The following ASB5 variants were observed in gnomAD, a reference collection of about 807,000 sequenced individuals.
The protein encoded by ASB5 is ankyrin repeat and SOCS box containing 5.
A neutral mutation model predicts 42.1 loss-of-function variants in ASB5; 45 were observed. That is an observed-to-expected ratio of 1.07 (90% CI 0.84 to 1.37). The LOEUF is 1.37. Among genes scored for constraint, ASB5 ranks in the 40% most tolerant of loss-of-function variants. The pLI is 0.00. For missense variants in ASB5, 402 were observed against 399.8 expected (o/e 1.01, Z -0.05); for synonymous variants, 147 against 150.6 (o/e 0.98, Z 0.18).
intron 1 of ASB5, among the ~76,000 whole-genome samples, chr4:176,254,671 G>A (rs570468687): frequency 6.6e-6 from 1 of 152,216 alleles, no homozygotes; most frequent in African/African-American, 2.4e-5. Flanking sequence ...AAGGTCTAAT[G>A]TCCAGAATCT....
chr4:176,268,174 C>G (rs1754394478), intron 1 of ASB5, among the ~76,000 whole-genome samples: 2 of 152,092 alleles, frequency 1.3e-5, no homozygotes, highest in South Asian at 4.1e-4. Context: ...AGTACCGACC[C>G]AATAGAACCT....
chr4:176,256,632 A>G (rs1307260442), intron 1 of ASB5, among the ~76,000 whole-genome samples: 1 of 152,128 alleles, frequency 6.6e-6, no homozygotes, highest in Non-Finnish European at 1.5e-5. Context: ...ACTTTCTGTA[A>G]GATATGACAA....
chr4:176,249,142 T>C (rs1334337839), intron 1 of ASB5, among the ~76,000 whole-genome samples: 1 of 152,204 alleles, frequency 6.6e-6, no homozygotes, highest in Non-Finnish European at 1.5e-5. Context: ...AATTTTTGTA[T>C]TTTTAGTAGA....
At chr4:176,237,746 G>A (rs547873660) in intron 1 of ASB5, among the ~76,000 whole-genome samples, 31 of 152,308 alleles carry the variant, frequency 2.0e-4, no homozygotes, top group Non-Finnish European at 2.6e-4. Flanking sequence ...TTTCCTAGTC[G>A]AAACAGAATA....
At chr4:176,221,796 A>G (rs1753220646) in intron 3 of ASB5, among the ~76,000 whole-genome samples, 196 bp from the exon 4 acceptor site, 1 of 152,224 alleles carries the variant, frequency 6.6e-6, no homozygotes, top group Non-Finnish European at 1.5e-5. Flanking sequence ...GATATGGCAG[A>G]TAATTCATTG....
chr4:176,266,198 C>T (rs1237461507), intron 1 of ASB5, among the ~76,000 whole-genome samples: 1 of 152,110 alleles, frequency 6.6e-6, no homozygotes, highest in Non-Finnish European at 1.5e-5. Flanking sequence ...AGTACTACTG[C>T]TCATGGGGAG....
At chr4:176,269,295 A>T (rs1754426344), upstream of ASB5, 3 of 416,346 alleles carry the variant, frequency 7.2e-6, no homozygotes, top group Middle Eastern at 1.2e-3. Flanking sequence ...GTCTGAAAAT[A>T]TTCCATGGAA....
chr4:176,241,680 G>A, intron 1 of ASB5: 1 of 1,332,892 alleles, frequency 7.5e-7, no homozygotes, highest in Non-Finnish European at 9.6e-7. Context: ...AGTGAGTGAG[G>A]GCAGATGAGG....
chr4:176,256,411 G>T (rs1036755520), intron 1 of ASB5, among the ~76,000 whole-genome samples: 2 of 152,144 alleles, frequency 1.3e-5, no homozygotes, highest in African/African-American at 2.4e-5. Flanking sequence ...AGGCTTTGCA[G>T]TGGCCTGGTA....
At chr4:176,228,918 G>T (rs1213256683) in intron 1 of ASB5, among the ~76,000 whole-genome samples, 1 of 152,100 alleles carries the variant, frequency 6.6e-6, no homozygotes, top group East Asian at 1.9e-4. Context: ...ATGAAATTCT[G>T]CAGAACTTCA....
At chr4:176,273,739 A>G (rs1451954509), upstream of ASB5, among the ~76,000 whole-genome samples, 1 of 152,234 alleles carries the variant, frequency 6.6e-6, no homozygotes, top group Non-Finnish European at 1.5e-5. Flanking sequence ...CTTTAGGTTA[A>G]ATGAGCTCTA....
chr4:176,269,115 A>C lies in ASB5; in HGVS notation c.-7T>G, dbSNP rs942018132. Reference sequence around the variant, plus strand: ...TTTCTTCTAACACCGACATTGCTGCAGAAGAATCTGCGGCGGTCTTTAGTT... The same window carrying C: ...TTTCTTCTAACACCGACATTGCTGCCGAAGAATCTGCGGCGGTCTTTAGTT... On this transcript the variant is annotated 5_prime_UTR_variant, in exon 1 of 7. Coordinates refer to ENST00000296525, the MANE Select transcript of ASB5 (RefSeq NM_080874.4). The C allele has an allele frequency of 1.2e-6, 2 of 1,608,614 alleles. No homozygotes were observed. Among genetic ancestry groups the C allele is most frequent in the African/African-American group, 1.3e-5 (1 of 74,738 alleles).
intron 3 of ASB5, 125 bp from the exon 4 acceptor site, chr4:176,221,725 T>C (rs934220670): frequency 2.2e-6 from 2 of 891,484 alleles, no homozygotes; most frequent in African/African-American, 3.4e-5. Context: ...ACATTAAATA[T>C]GACAAAGTAT....
At position 176,260,767 on chromosome 4, in the gene ASB5, T is replaced by G. The variant is rs550298643; in HGVS notation, c.196+8146A>C. ...ATCTCGGCTCACTGCAACTTCCGCC[T>G]CCCAGGTTCAAGGATTCTCCTTCCT... On this transcript the variant is annotated intron_variant, in intron 1 of 6. Coordinates refer to ENST00000296525, the MANE Select transcript of ASB5 (RefSeq NM_080874.4). Among the ~76,000 whole-genome samples the G allele has an allele frequency of 3.3e-4, 51 of 152,274 alleles. No homozygotes were observed. In the South Asian group the frequency reaches 5.6e-3, roughly 17 times the overall value.
At chr4:176,235,820 A>T (rs180777503) in intron 1 of ASB5, among the ~76,000 whole-genome samples, 77 of 151,288 alleles carry the variant, frequency 5.1e-4, no homozygotes, top group African/African-American at 1.7e-3. Flanking sequence ...AAATCATAGC[A>T]TGGGGGCATT....
At chr4:176,238,440 A>G (rs917262642) in intron 1 of ASB5, among the ~76,000 whole-genome samples, 10 of 152,180 alleles carry the variant, frequency 6.6e-5, no homozygotes, top group African/African-American at 2.4e-4. Context: ...AGGAAAGGGT[A>G]GTTGGCAGGA....
At chr4:176,263,999 T>C (rs922650335) in intron 1 of ASB5, among the ~76,000 whole-genome samples, 1 of 151,730 alleles carries the variant, frequency 6.6e-6, no homozygotes, top group Non-Finnish European at 1.5e-5. Context: ...AGGTCACACA[T>C]TTATAGTATG....
At chr4:176,231,659 C>CAAAAAA (rs11362445) in intron 1 of ASB5, among the ~76,000 whole-genome samples, 3 of 101,898 alleles carry the variant, frequency 2.9e-5, no homozygotes, top group African/African-American at 3.9e-5. Flanking sequence ...CTTGTCTCTG[C>CAAAAAA]AAAAAAAAAA....
chr4:176,229,720 A>C (rs1753475614), intron 1 of ASB5, among the ~76,000 whole-genome samples: 1 of 151,974 alleles, frequency 6.6e-6, no homozygotes, highest in Admixed American at 6.6e-5. Context: ...TGCACTTGCT[A>C]TTATTTCTAT....
Sources: gnomAD v4.1 joint callset for allele counts (sites outside exome capture counted in the v4.1 genomes callset) on GRCh38, gnomAD v4.1.1 for gene constraint, MANE v1.5 for transcripts, NCBI Gene and HGNC (gene_info 2026-07-23, HGNC 2026-07-21) for gene names.